CTIF: variants seen among roughly 807,000 people sequenced by gnomAD.
The protein encoded by CTIF is cap binding complex dependent translation initiation factor.
CTIF carries 21 observed loss-of-function variants against 66.0 expected under a neutral mutation model. The observed-to-expected ratio is 0.32, with a 90% CI of 0.23 to 0.46. CTIF has a LOEUF of 0.46. Among genes scored for constraint, CTIF ranks in the 20% least tolerant of loss-of-function variants. CTIF has a pLI of 1.00. For missense variants in CTIF, 739 were observed against 812.7 expected (o/e 0.91, Z 1.10); for synonymous variants, 345 against 326.4 (o/e 1.06, Z -0.62).
intron 2 of CTIF, among the ~76,000 whole-genome samples, chr18:48,624,153 A>G (rs2090551632): frequency 8.3e-6 from 1 of 121,208 alleles, no homozygotes; most frequent in Admixed American, 8.9e-5. Context: ...CCCATGCTTG[A>G]CACCACGCCC....
At chr18:48,597,272 C>G (rs1474219115) in intron 1 of CTIF, among the ~76,000 whole-genome samples, 2 of 152,192 alleles carry the variant, frequency 1.3e-5, no homozygotes, top group Non-Finnish European at 2.9e-5. Context: ...GGAGACAGAC[C>G]TGTGACTGGA....
chr18:48,846,461 A>C (rs2069074639), intron 10 of CTIF, among the ~76,000 whole-genome samples: 1 of 150,906 alleles, frequency 6.6e-6, no homozygotes, highest in East Asian at 1.9e-4. Flanking sequence ...ATGGATGGAT[A>C]GATGAGTAGA....
intron 7 of CTIF, among the ~76,000 whole-genome samples, chr18:48,732,467 T>C (rs1301917597): frequency 1.3e-5 from 2 of 151,774 alleles, no homozygotes; most frequent in Non-Finnish European, 2.9e-5. Context: ...ACTGCCCTGC[T>C]TGGACCTTTT....
chr18:48,737,752 G>A (rs2145719800), intron 7 of CTIF, among the ~76,000 whole-genome samples: 1 of 152,318 alleles, frequency 6.6e-6, no homozygotes, highest in South Asian at 2.1e-4. Context: ...AACCAGTAAA[G>A]TGGTTATTTA....
At chr18:48,665,556 C>T (rs916844609) in intron 5 of CTIF, among the ~76,000 whole-genome samples, 2 of 152,168 alleles carry the variant, frequency 1.3e-5, no homozygotes, top group African/African-American at 4.8e-5. Context: ...ACCTGTTGTG[C>T]AACTACCATG....
intron 7 of CTIF, among the ~76,000 whole-genome samples, chr18:48,735,935 T>C (rs1265369473): frequency 6.6e-6 from 1 of 152,128 alleles, no homozygotes; most frequent in African/African-American, 2.4e-5. Context: ...ATCCTGTATG[T>C]CATGGGAAGC....
intron 6 of CTIF, among the ~76,000 whole-genome samples, chr18:48,709,775 A>G (rs1010410940): frequency 6.6e-6 from 1 of 152,246 alleles, no homozygotes; most frequent in African/African-American, 2.4e-5. Flanking sequence ...AACAAATAAT[A>G]TCCTTTGAGA....
Position 48,820,876 on chromosome 18 carries a change from G to C in CTIF, c.1527+3500G>C, listed in dbSNP as rs555924417. On this transcript the variant is annotated intron_variant, in intron 10 of 11. Transcript: ENST00000256413. Reference sequence around the variant, plus strand: ...GTCCTCACCATCCAGCCCGTCTGGGGGTCCTTGTGCTCACAGAGGCCCCCT... The same window carrying C: ...GTCCTCACCATCCAGCCCGTCTGGGCGTCCTTGTGCTCACAGAGGCCCCCT... Among the ~76,000 whole-genome samples, 19 of 152,324 alleles carry C rather than the reference G, an allele frequency of 1.2e-4. 1 individual carries two copies. In the South Asian group the frequency reaches 3.9e-3, roughly 32 times the overall value.
At chr18:48,756,455 A>G (rs977414152) in intron 7 of CTIF, 1 of 152,270 alleles carries the variant, frequency 6.6e-6, no homozygotes, top group Non-Finnish European at 1.5e-5. Context: ...GTAATAAGCA[A>G]TAAGTTGTAA....
At chr18:48,749,250 G>A (rs1391528911) in intron 7 of CTIF, among the ~76,000 whole-genome samples, 1 of 152,242 alleles carries the variant, frequency 6.6e-6, no homozygotes, top group Non-Finnish European at 1.5e-5. Flanking sequence ...ATCAGCCAGG[G>A]TGCCGAGGCC....
At chr18:48,616,634 C>T (rs531293255) in intron 1 of CTIF, among the ~76,000 whole-genome samples, 4 of 152,252 alleles carry the variant, frequency 2.6e-5, no homozygotes, top group South Asian at 2.1e-4. Flanking sequence ...AGGGTTGCTG[C>T]GAAGGTGAAG....
intron 6 of CTIF, among the ~76,000 whole-genome samples, chr18:48,681,834 G>A (rs1330846444): frequency 6.6e-6 from 1 of 152,048 alleles, no homozygotes; most frequent in Non-Finnish European, 1.5e-5. Context: ...CACCCAGGCT[G>A]GAGTACAATG....
intron 10 of CTIF, among the ~76,000 whole-genome samples, chr18:48,841,252 T>G (rs2068934488): frequency 6.6e-6 from 1 of 152,154 alleles, no homozygotes; most frequent in Non-Finnish European, 1.5e-5. Context: ...TGTGCCCAGT[T>G]GGTGAGCAAG....
At chr18:48,600,311 G>A (rs541516487) in intron 1 of CTIF, among the ~76,000 whole-genome samples, 42 of 152,186 alleles carry the variant, frequency 2.8e-4, no homozygotes, top group Middle Eastern at 3.4e-3. Flanking sequence ...GTCATGTGGC[G>A]GTGGCGATGA....
intron 10 of CTIF, among the ~76,000 whole-genome samples, chr18:48,827,872 C>T (rs1016223542): frequency 1.1e-4 from 16 of 152,082 alleles, no homozygotes; most frequent in East Asian, 1.9e-4. Flanking sequence ...GTTAACTCAG[C>T]GGGGTGACGC....
intron 6 of CTIF, among the ~76,000 whole-genome samples, chr18:48,699,457 G>C (rs2092053301): frequency 6.6e-6 from 1 of 151,564 alleles, no homozygotes; most frequent in African/African-American, 2.4e-5. Context: ...GTGCAGGTCT[G>C]TGTGGAGGAA....
At chr18:48,735,433 G>A (rs780301367) in intron 7 of CTIF, among the ~76,000 whole-genome samples, 2 of 152,210 alleles carry the variant, frequency 1.3e-5, no homozygotes, top group Non-Finnish European at 2.9e-5. Flanking sequence ...GCATGCAGAT[G>A]TACAGGCAGC....
intron 10 of CTIF, among the ~76,000 whole-genome samples, chr18:48,823,260 TTTTC>T (rs1388129431): frequency 6.6e-6 from 1 of 152,184 alleles, no homozygotes; most frequent in Non-Finnish European, 1.5e-5. Flanking sequence ...TCAAGATGCT[TTTTC>T]TTTATGTTTT....
intron 7 of CTIF, among the ~76,000 whole-genome samples, chr18:48,726,472 A>G (rs746041716): frequency 1.5e-4 from 23 of 152,272 alleles, no homozygotes; most frequent in Non-Finnish European, 2.5e-4. Context: ...GGGTGTAGGC[A>G]TCTGAAGGCA....
Sources: allele counts gnomAD v4.1 joint callset (sites outside exome capture counted in the v4.1 genomes callset), GRCh38; gene constraint gnomAD v4.1.1; transcripts MANE v1.5; gene names NCBI Gene and HGNC (gene_info 2026-07-23, HGNC 2026-07-21).